Variants in NEMP2 observed in about 807,000 individuals in gnomAD.
The protein encoded by NEMP2 is nuclear envelope integral membrane protein 2.
A neutral mutation model predicts 54.2 loss-of-function variants in NEMP2; 53 were observed. That is an observed-to-expected ratio of 0.98 (90% CI 0.78 to 1.23). The LOEUF is 1.23. Among genes scored for constraint, NEMP2 ranks in the 50% most tolerant of loss-of-function variants. The pLI, the probability that NEMP2 is intolerant of heterozygous loss-of-function variation, is 0.00. For missense variants in NEMP2, 455 were observed against 511.3 expected (o/e 0.89, Z 1.06); for synonymous variants, 197 against 190.3 (o/e 1.04, Z -0.29).
chr2:190,595,282 AC>A, the NEMP2 span, among the ~76,000 whole-genome samples: 1 of 152,214 alleles, frequency 6.6e-6, no homozygotes, highest in East Asian at 1.9e-4. The surrounding 1 kb of genome is among the most constrained non-coding windows in gnomAD (Gnocchi z 4.0). Context: ...TAAATGTAAA[AC>A]CTAAAACCAT....
At chr2:190,621,835 A>G in the NEMP2 span, among the ~76,000 whole-genome samples, 3 of 152,316 alleles carry the variant, frequency 2.0e-5, no homozygotes, top group African/African-American at 7.2e-5. Flanking sequence ...AGGGCTGGGC[A>G]TGGTGGCTCA....
chr2:190,645,435 A>G, the NEMP2 span, among the ~76,000 whole-genome samples: 1 of 152,190 alleles, frequency 6.6e-6, no homozygotes, highest in African/African-American at 2.4e-5. Flanking sequence ...CACTGCTTCA[A>G]AACATATTCT....
At chr2:190,511,885 T>A (rs895074499) in intron 7 of NEMP2, among the ~76,000 whole-genome samples, 47 of 151,504 alleles carry the variant, frequency 3.1e-4, no homozygotes, top group Non-Finnish European at 6.8e-4. Flanking sequence ...AATGAGTTTT[T>A]AAAAATATTT....
At chr2:190,593,080 A>G in the NEMP2 span, among the ~76,000 whole-genome samples, 2 of 152,150 alleles carry the variant, frequency 1.3e-5, no homozygotes, top group African/African-American at 4.8e-5. This position sits in a 1 kb window ranked among gnomAD's most constrained non-coding sequence, Gnocchi z 4.5. Flanking sequence ...ATTAGTATCA[A>G]AATAGTTTTT....
At chr2:190,429,282 C>A in the NEMP2 span, among the ~76,000 whole-genome samples, 1 of 150,394 alleles carries the variant, frequency 6.6e-6, no homozygotes, top group Non-Finnish European at 1.5e-5. Context: ...TTCTCTCACT[C>A]TTTGACTTGC....
the NEMP2 span, among the ~76,000 whole-genome samples, chr2:190,600,058 G>A: frequency 6.6e-6 from 1 of 152,200 alleles, no homozygotes; most frequent in Admixed American, 6.5e-5. The surrounding 1 kb of genome is among the most constrained non-coding windows in gnomAD (Gnocchi z 4.9). Flanking sequence ...ACTGGTCTGA[G>A]CGGTACAGAG....
At chr2:190,491,203 G>C in the NEMP2 span, among the ~76,000 whole-genome samples, 1 of 152,118 alleles carries the variant, frequency 6.6e-6, no homozygotes, top group African/African-American at 2.4e-5. This position sits in a 1 kb window ranked among gnomAD's most constrained non-coding sequence, Gnocchi z 4.2. Context: ...TATGGTACTG[G>C]GTTAGTTTTT....
the NEMP2 span, among the ~76,000 whole-genome samples, chr2:190,640,487 A>G: frequency 6.6e-6 from 1 of 152,222 alleles, no homozygotes; most frequent in African/African-American, 2.4e-5. Context: ...TGAAAATACA[A>G]TAATAGATAG....
the NEMP2 span, among the ~76,000 whole-genome samples, chr2:190,586,652 G>C: frequency 1.3e-5 from 2 of 152,090 alleles, no homozygotes; most frequent in African/African-American, 2.4e-5. The surrounding 1 kb of genome is among the most constrained non-coding windows in gnomAD (Gnocchi z 4.5). Flanking sequence ...TTCGGGGAGA[G>C]AAACATTCAA....
chr2:190,531,178 C>T lies in NEMP2; in HGVS notation c.97+3381G>A, dbSNP rs1691131355. ...TCATTTGGTCAAAAGGGAACAATAC[C>T]TGCCTAGGGAAAGCTACTGCTTCTA... On this transcript the variant is annotated intron_variant, in intron 1 of 8. Coordinates refer to ENST00000409150, the MANE Select transcript of NEMP2 (RefSeq NM_001142645.2). The surrounding 1 kb of genome is among the most constrained non-coding windows in gnomAD (Gnocchi z 4.7). Among the ~76,000 whole-genome samples the T allele has an allele frequency of 1.3e-5, 2 of 152,124 alleles. No homozygotes were observed. Among genetic ancestry groups the T allele is most frequent in the Non-Finnish European group, 2.9e-5 (2 of 68,008 alleles).
At chr2:190,493,038 A>G in the NEMP2 span, among the ~76,000 whole-genome samples, 3 of 152,164 alleles carry the variant, frequency 2.0e-5, no homozygotes, top group Admixed American at 6.5e-5. Flanking sequence ...TTTCAATACT[A>G]ACATTGAATG....
At chr2:190,551,750 T>C in the NEMP2 span, among the ~76,000 whole-genome samples, 1 of 152,252 alleles carries the variant, frequency 6.6e-6, no homozygotes, top group Non-Finnish European at 1.5e-5. Context: ...AAAGTGTCTT[T>C]CCATAACTGT....
At chr2:190,469,746 A>ATTTTTTG in the NEMP2 span, 2 of 1,364,954 alleles carry the variant, frequency 1.5e-6, no homozygotes, top group Non-Finnish European at 1.9e-6. The surrounding 1 kb of genome is among the most constrained non-coding windows in gnomAD (Gnocchi z 5.3). Flanking sequence ...TTTATTTTTT[A>ATTTTTTG]TTTTTTTTTA....
chr2:190,476,257 A>G, the NEMP2 span, among the ~76,000 whole-genome samples: 1 of 152,010 alleles, frequency 6.6e-6, no homozygotes, highest in African/African-American at 2.4e-5. Flanking sequence ...AACTACCATC[A>G]GAGTGAACAG....
chr2:190,601,377 T>C, the NEMP2 span, among the ~76,000 whole-genome samples: 1 of 152,154 alleles, frequency 6.6e-6, no homozygotes, highest in Non-Finnish European at 1.5e-5. This position sits in a 1 kb window ranked among gnomAD's most constrained non-coding sequence, Gnocchi z 5.8. Flanking sequence ...TTCTGTTGTT[T>C]AAGCCGCTCG....
At chr2:190,516,487 AC>A in intron 5 of NEMP2, 103 bp from the exon 6 acceptor site, 1 of 835,600 alleles carries the variant, frequency 1.2e-6, no homozygotes, top group African/African-American at 1.7e-5. Context: ...CCTACATCAA[AC>A]TGATTTGAAG....
At chr2:190,558,732 T>C in the NEMP2 span, among the ~76,000 whole-genome samples, 24 of 152,262 alleles carry the variant, frequency 1.6e-4, no homozygotes, top group African/African-American at 5.8e-4. This position sits in a 1 kb window ranked among gnomAD's most constrained non-coding sequence, Gnocchi z 4.4. Context: ...GGCTTTATTA[T>C]GTGGAAAAAG....
the NEMP2 span, among the ~76,000 whole-genome samples, chr2:190,647,346 A>G: frequency 6.6e-6 from 1 of 152,210 alleles, no homozygotes; most frequent in Non-Finnish European, 1.5e-5. Flanking sequence ...ACTTTATTAA[A>G]GTCTTTTTCT....
At chr2:190,580,805 G>C in the NEMP2 span, among the ~76,000 whole-genome samples, 4 of 152,288 alleles carry the variant, frequency 2.6e-5, no homozygotes, top group Middle Eastern at 3.4e-3. The surrounding 1 kb of genome is among the most constrained non-coding windows in gnomAD (Gnocchi z 5.3). Flanking sequence ...GTGTTGGGAA[G>C]GATTGTAAGA....
Sources: gnomAD v4.1 joint callset for allele counts (sites outside exome capture counted in the v4.1 genomes callset) on GRCh38, gnomAD v4.1.1 for gene constraint, Gnocchi (gnomAD v3.1) non-coding constraint, MANE v1.5 for transcripts, NCBI Gene and HGNC (gene_info 2026-07-23, HGNC 2026-07-21) for gene names.